TENM2: variants seen among roughly 807,000 people sequenced by gnomAD.
The protein encoded by TENM2 is teneurin transmembrane protein 2.
TENM2 carries 52 observed loss-of-function variants against 245.2 expected under a neutral mutation model. The ratio of observed to expected loss-of-function variants is 0.21; its 90% CI spans 0.17 to 0.27. The LOEUF is 0.27. Among genes scored for constraint, TENM2 ranks in the 10% least tolerant of loss-of-function variants. The pLI, the probability that TENM2 is intolerant of heterozygous loss-of-function variation, is 1.00. For synonymous variants in TENM2, 1,363 were observed against 1,438.9 expected, an observed-to-expected ratio of 0.95 and a Z score of 1.19; for missense variants, 3,046 against 3,666.8, an observed-to-expected ratio of 0.83 and a Z score of 4.37.
At chr5:167,218,661 CAAGAA>C in the TENM2 span, among the ~76,000 whole-genome samples, 1 of 151,674 alleles carries the variant, frequency 6.6e-6, no homozygotes, top group Admixed American at 6.6e-5. Flanking sequence ...GAAAGACACA[CAAGAA>C]AAGAAAAAAT....
At chr5:168,010,268 G>C (rs911137336) in intron 5 of TENM2, among the ~76,000 whole-genome samples, 1 of 152,198 alleles carries the variant, frequency 6.6e-6, no homozygotes, top group Non-Finnish European at 1.5e-5. Context: ...CGCTCTGAAA[G>C]CCTCTTTAAA....
the TENM2 span, among the ~76,000 whole-genome samples, chr5:167,045,580 C>T: frequency 1.3e-5 from 2 of 152,186 alleles, no homozygotes; most frequent in Non-Finnish European, 2.9e-5. Context: ...TAGAGTTAAG[C>T]ATCAATTTCT....
At chr5:167,985,783 A>C (rs78013797) in intron 4 of TENM2, among the ~76,000 whole-genome samples, 18 of 152,344 alleles carry the variant, frequency 1.2e-4, no homozygotes, top group African/African-American at 4.3e-4. Flanking sequence ...GTGTTAAGGA[A>C]TTTTATGTAT....
At chr5:167,963,905 T>C (rs2151896076) in intron 4 of TENM2, among the ~76,000 whole-genome samples, 1 of 152,298 alleles carries the variant, frequency 6.6e-6, no homozygotes, top group African/African-American at 2.4e-5. Flanking sequence ...TCTGCATCAA[T>C]GTAAAATAAA....
chr5:168,089,015 T>C (rs577932753), intron 7 of TENM2, among the ~76,000 whole-genome samples: 5 of 152,326 alleles, frequency 3.3e-5, no homozygotes, highest in African/African-American at 9.6e-5. Flanking sequence ...ACCTACACTT[T>C]GAATGTTCTC....
chr5:167,987,380 C>T lies in TENM2; in HGVS notation c.948-5564C>T, dbSNP rs185255023. ...TTCCTTCTTGTTGCCCAGGCTGGAG[C>T]GCAATGGCACGGTCTCAGCTCACTG... On this transcript the variant is annotated intron_variant, in intron 4 of 28. Coordinates refer to ENST00000518659, the Ensembl canonical transcript of TENM2. Among the ~76,000 whole-genome samples, 88 of 150,974 alleles carry T rather than the reference C, an allele frequency of 5.8e-4. 1 individual carries two copies. The highest frequency in any genetic ancestry group is 6.9e-3 in the Middle Eastern group (2 of 288).
chr5:168,253,424 ATTTTAT>A (rs1562340846), intron 27 of TENM2, among the ~76,000 whole-genome samples: 2 of 139,840 alleles, frequency 1.4e-5, no homozygotes, highest in African/African-American at 2.7e-5. Context: ...TGCATTCATT[ATTTTAT>A]TTTTTTTTTT....
intron 5 of TENM2, among the ~76,000 whole-genome samples, chr5:168,040,514 GC>G (rs1307903344): frequency 3.9e-5 from 6 of 152,148 alleles, no homozygotes; most frequent in Non-Finnish European, 8.8e-5. Flanking sequence ...TCCATGCAGT[GC>G]TTTGAAAATT....
At chr5:168,154,167 CAGTA>C (rs1175630282) in intron 12 of TENM2, among the ~76,000 whole-genome samples, 129 of 69,640 alleles carry the variant, frequency 1.9e-3, no homozygotes, top group African/African-American at 8.7e-3. Flanking sequence ...AAAAAAAAAA[CAGTA>C]AGAGCTTGAA....
At chr5:168,133,489 A>G (rs1014617142) in intron 12 of TENM2, among the ~76,000 whole-genome samples, 3 of 152,334 alleles carry the variant, frequency 2.0e-5, no homozygotes, top group Admixed American at 2.0e-4. Flanking sequence ...TTCTAATGCA[A>G]TCAAGCCTTT....
the TENM2 span, among the ~76,000 whole-genome samples, chr5:167,171,582 G>GA: frequency 6.6e-6 from 1 of 151,992 alleles, no homozygotes; most frequent in East Asian, 1.9e-4. Flanking sequence ...CTCCAGAACT[G>GA]AAAAAACAAG....
intron 2 of TENM2, among the ~76,000 whole-genome samples, chr5:167,809,189 C>T (rs1320628289): frequency 6.6e-6 from 1 of 152,134 alleles, no homozygotes; most frequent in Admixed American, 6.6e-5. Context: ...CCCTCTTGCT[C>T]CCGAGAAGAG....
intron 2 of TENM2, among the ~76,000 whole-genome samples, chr5:167,863,404 C>G (rs1205045639): frequency 6.6e-6 from 1 of 151,194 alleles, no homozygotes; most frequent in Non-Finnish European, 1.5e-5. Flanking sequence ...TGCCTGGGGT[C>G]GGGAGTTTGA....
At chr5:167,417,692 A>C (rs922476356) in intron 2 of TENM2, among the ~76,000 whole-genome samples, 1 of 152,104 alleles carries the variant, frequency 6.6e-6, no homozygotes, top group Admixed American at 6.6e-5. Flanking sequence ...AAAGAAACAG[A>C]GGTGTGAAAC....
At chr5:167,984,660 A>C (rs577463169) in intron 4 of TENM2, among the ~76,000 whole-genome samples, 2 of 151,664 alleles carry the variant, frequency 1.3e-5, no homozygotes, top group Non-Finnish European at 2.9e-5. Context: ...GTCTTGGGGG[A>C]AAAAAAAATT....
intron 2 of TENM2, among the ~76,000 whole-genome samples, chr5:167,414,757 T>A (rs994627736): frequency 6.6e-6 from 1 of 152,102 alleles, no homozygotes; most frequent in Non-Finnish European, 1.5e-5. Context: ...ATGTAACCTA[T>A]CTTAGGTCGA....
At chr5:167,993,118 A>G (rs1783792005) in exon 5 of TENM2, 1 of 1,614,032 alleles carries the variant, frequency 6.2e-7, no homozygotes, top group South Asian at 1.1e-5. Flanking sequence ...GCAGCTGGAA[A>G]TGTGCTGCCC....
intron 25 of TENM2, among the ~76,000 whole-genome samples, chr5:168,238,976 C>T (rs536440951): frequency 6.6e-6 from 1 of 152,222 alleles, no homozygotes; most frequent in East Asian, 1.9e-4. Context: ...GTGTTGATCC[C>T]GGCAGTGAAA....
chr5:167,595,710 C>G (rs1463649119), intron 2 of TENM2, among the ~76,000 whole-genome samples: 3 of 152,164 alleles, frequency 2.0e-5, no homozygotes, highest in Non-Finnish European at 2.9e-5. Flanking sequence ...AAACATGACA[C>G]ACAAACTAAC....
Sources: gnomAD v4.1 joint callset for allele counts (sites outside exome capture counted in the v4.1 genomes callset) on GRCh38, gnomAD v4.1.1 for gene constraint, MANE v1.5 for transcripts, NCBI Gene and HGNC (gene_info 2026-07-23, HGNC 2026-07-21) for gene names.